Variants in ADAM22 observed in about 807,000 individuals in gnomAD.
ADAM22 encodes disintegrin and metalloproteinase domain-containing protein 22.
A neutral mutation model predicts 144.6 loss-of-function variants in ADAM22; 65 were observed. That is an observed-to-expected ratio of 0.45 (90% CI 0.37 to 0.55). The LOEUF is 0.55. Among genes scored for constraint, ADAM22 ranks in the 20% least tolerant of loss-of-function variants. The pLI, the probability that ADAM22 is intolerant of heterozygous loss-of-function variation, is 0.00. For synonymous variants in ADAM22, 391 were observed against 412.6 expected, an observed-to-expected ratio of 0.95 and a Z score of 0.63; for missense variants, 974 against 1,184.9, an observed-to-expected ratio of 0.82 and a Z score of 2.61.
In ADAM22 at chr7:88,199,561, G is replaced by A. The variant is rs1246549818; in HGVS notation, c.*3070G>A. On this transcript the variant is annotated 3_prime_UTR_variant, in exon 32 of 32. Coordinates refer to ENST00000413139, the MANE Select transcript of ADAM22 (RefSeq NM_001324418.2). ...GTGGCATGGTCCTCTGAACGCTGCA[G>A]GCTGGAAATGATCCCCAGGGCACAT... The A allele has an allele frequency of 6.6e-6, 1 of 152,244 alleles. No individual in the cohort carries two copies. The highest frequency in any genetic ancestry group is 1.5e-5 in the Non-Finnish European group (1 of 68,088). The allele number at this position is 152,244 out of a possible 1,614,324, so 9.4% of individuals were successfully genotyped here.
At chr7:88,005,322 G>A (rs2129457951) in intron 3 of ADAM22, among the ~76,000 whole-genome samples, 1 of 152,286 alleles carries the variant, frequency 6.6e-6, no homozygotes, top group South Asian at 2.1e-4. Context: ...GCCAGGGGAG[G>A]TGGGGAGCAT....
At chr7:87,978,450 A>G (rs1200126465) in intron 3 of ADAM22, 38 bp downstream of exon 3, 4 of 1,558,954 alleles carry the variant, frequency 2.6e-6, no homozygotes, top group East Asian at 2.2e-5. Context: ...TCAGATACAC[A>G]TTGAATCCAC....
intron 7 of ADAM22, 21 bp downstream of exon 7, chr7:88,116,835 C>T (rs896304838): frequency 1.9e-6 from 3 of 1,566,976 alleles, no homozygotes; most frequent in Non-Finnish European, 2.6e-6. Context: ...CATATAGTGA[C>T]TTTTTATCTA....
chr7:88,075,279 CTGTT>C (rs1269034851), intron 3 of ADAM22, among the ~76,000 whole-genome samples: 1 of 152,138 alleles, frequency 6.6e-6, no homozygotes, highest in African/African-American at 2.4e-5. Flanking sequence ...ACAATTAAAA[CTGTT>C]TGATAAAAAG....
intron 25 of ADAM22, 78 bp from the exon 26 acceptor site, chr7:88,171,466 T>G: frequency 7.6e-7 from 1 of 1,310,900 alleles, no homozygotes; most frequent in Non-Finnish European, 1.1e-6. Flanking sequence ...CTTTTATGTT[T>G]AGAGCTCCCT....
chr7:87,972,025 C>T (rs981152306), intron 2 of ADAM22, among the ~76,000 whole-genome samples: 3 of 152,178 alleles, frequency 2.0e-5, no homozygotes, highest in African/African-American at 4.8e-5. Flanking sequence ...CCTGTCTCTA[C>T]TCAGGGATGC....
chr7:88,017,623 A>G (rs1796832633), intron 3 of ADAM22, among the ~76,000 whole-genome samples: 1 of 152,148 alleles, frequency 6.6e-6, no homozygotes, highest in African/African-American at 2.4e-5. Context: ...CATGTCCAAA[A>G]TGATATAAAA....
intron 3 of ADAM22, among the ~76,000 whole-genome samples, chr7:87,982,066 T>TACACACACAC (rs376989136): frequency 1.0e-4 from 9 of 86,462 alleles, no homozygotes; most frequent in African/African-American, 2.2e-4. Context: ...TATATATATA[T>TACACACACAC]ATACACACAC....
Position 88,156,108 on chromosome 7 carries a change from G to A in ADAM22, c.1907+102G>A, listed in dbSNP as rs73705604. ...CAATTAATGTACATGTTAGTAGGTC[G>A]AAATATAATCTAGTCTATAGAGACG... On this transcript the variant is annotated intron_variant, in intron 22 of 31. Transcript: ENST00000413139. 1,287 of 1,304,552 alleles carry A rather than the reference G, an allele frequency of 9.9e-4. 10 individuals carry two copies. The African/African-American group carries it at 0.017, about 17-fold the overall frequency. The allele number at this position is 1,304,552 out of a possible 1,614,324, so 80.8% of individuals were successfully genotyped here.
At chr7:88,022,080 G>T (rs141697101) in intron 3 of ADAM22, among the ~76,000 whole-genome samples, 2,824 of 150,528 alleles carry the variant, frequency 0.019, 52 homozygotes, top group Non-Finnish European at 0.027. Context: ...TTTTTTTGTA[G>T]AGATGGAGTC....
rs1850872998 is a variant in ADAM22 at position 88,198,145 on chromosome 7, T to G, written c.*1654T>G. 6.6e-6 allele frequency: 1 copy of G among 152,196 alleles called. No homozygotes were observed. The allele number at this position is 152,196 out of a possible 1,614,324, so 9.4% of individuals were successfully genotyped here. Reference sequence around the variant, plus strand: ...GAATCTGCAGACAGGTTTTCAGATATACTCTCTTAAATTTGATCCTCTCCC... The same window carrying G: ...GAATCTGCAGACAGGTTTTCAGATAGACTCTCTTAAATTTGATCCTCTCCC... On this transcript the variant is annotated 3_prime_UTR_variant, in exon 32 of 32. Coordinates refer to ENST00000413139, the MANE Select transcript of ADAM22 (RefSeq NM_001324418.2).
intron 4 of ADAM22, among the ~76,000 whole-genome samples, chr7:88,086,036 C>G (rs1039724297): frequency 2.0e-5 from 3 of 152,008 alleles, no homozygotes; most frequent in African/African-American, 7.2e-5. Flanking sequence ...ATTAGCTGGG[C>G]GTGGTGGCAT....
chr7:88,190,128 A>G, intron 30 of ADAM22, among the ~76,000 whole-genome samples: 1 of 152,196 alleles, frequency 6.6e-6, no homozygotes, highest in Non-Finnish European at 1.5e-5. Context: ...ACAGAAGGTA[A>G]TCCCAGGAAG....
At chr7:88,088,476 G>A (rs368573536) in intron 4 of ADAM22, among the ~76,000 whole-genome samples, 5 of 144,202 alleles carry the variant, frequency 3.5e-5, no homozygotes, top group South Asian at 4.5e-4. Context: ...TGCCTTAATC[G>A]TTTAGTTTTC....
Position 88,162,885 on chromosome 7 carries a change from CTACTGGTCTTTAATAAG to C in ADAM22, c.1908-124_1908-108del, listed in dbSNP as rs1168204638. ...TTCTCTGAGATTGAACTGGCTTATG[CTACTGGTCTTTAATAAG>C]TAATAAATAGAATAGAGGAAGCAAT... On this transcript the variant is annotated intron_variant, in intron 22 of 31. Coordinates refer to ENST00000413139, the MANE Select transcript of ADAM22 (RefSeq NM_001324418.2). 5.6e-6 allele frequency: 5 copies of C among 890,030 alleles called. No individual in the cohort carries two copies. The East Asian group carries it at 1.1e-4, about 20-fold the overall frequency. The allele number at this position is 890,030 out of a possible 1,614,324, so 55.1% of individuals were successfully genotyped here. A position where few individuals can be genotyped will look rare whatever the true frequency, so the allele number is the denominator to read the frequency against.
intron 3 of ADAM22, among the ~76,000 whole-genome samples, chr7:88,029,533 T>A (rs183164900): frequency 6.2e-4 from 95 of 152,302 alleles, no homozygotes; most frequent in African/African-American, 2.1e-3. Flanking sequence ...TATAATAGTC[T>A]GTGTTTTTCT....
At chr7:88,140,125 G>T (rs1399026642) in intron 14 of ADAM22, among the ~76,000 whole-genome samples, 1 of 152,066 alleles carries the variant, frequency 6.6e-6, no homozygotes. Context: ...TTTAACAACC[G>T]AATCTCGTGT....
chr7:88,131,432 T>A lies in ADAM22; in HGVS notation c.989T>A (p.Phe330Tyr), dbSNP rs1235482086. Reference protein sequence around the residue: ...IKEKSDAVHLFSGSQFESSRS... With the variant: ...IKEKSDAVHLYSGSQFESSRS... ...GAGAAAAGTGATGCAGTTCACCTTT[T>A]TTCGTACGTAACTTCTGTAATGATG... The change falls in exon 11 of 32, where the codon TTT (phenylalanine) becomes TAT (tyrosine). Residue 330 changes from phenylalanine to tyrosine, a missense_variant. Transcript: ENST00000413139. 1.2e-6 allele frequency: 2 copies of A among 1,613,614 alleles called. No individual in the cohort carries two copies. The highest frequency in any genetic ancestry group is 1.7e-6 in the Non-Finnish European group (2 of 1,179,646).
intron 3 of ADAM22, among the ~76,000 whole-genome samples, chr7:87,984,247 T>C (rs1854406381): frequency 6.6e-6 from 1 of 152,170 alleles, no homozygotes; most frequent in Admixed American, 6.5e-5. Flanking sequence ...CTGCCACTGG[T>C]AGATCCCCCT....
Sources: gnomAD v4.1 joint callset for allele counts (sites outside exome capture counted in the v4.1 genomes callset) on GRCh38, gnomAD v4.1.1 for gene constraint, MANE v1.5 for transcripts, NCBI Gene and HGNC (gene_info 2026-07-23, HGNC 2026-07-21) for gene names.